The following PAN2 variants were observed in gnomAD, a reference collection of about 807,000 sequenced individuals.
PAN2 encodes the protein poly(A) specific ribonuclease subunit PAN2, also known as PAN2-PAN3 deadenylation complex catalytic subunit PAN2.
PAN2 carries 68 observed loss-of-function variants against 133.3 expected under a neutral mutation model. The ratio of observed to expected loss-of-function variants is 0.51; its 90% confidence interval spans 0.42 to 0.62. The LOEUF (loss-of-function observed/expected upper bound fraction) is 0.62, where lower values mean the gene tolerates loss of function less well. Ranked by LOEUF, PAN2 falls within the 20% of genes least tolerant of loss-of-function variation. The pLI is 0.00. For synonymous variants in PAN2, 462 were observed against 544.6 expected (o/e 0.85, Z 2.11); for missense variants, 1,042 against 1,500.5 (o/e 0.69, Z 5.05).
Position 56,319,298 on chromosome 12 carries a change from C to G in PAN2, c.3270+10G>C. Reference sequence around the variant, plus strand: ...CTCACAAGAAGACTCTTAAAAGAGCCCTGCCAAACCATCAGGTTGATGACC... The same window carrying G: ...CTCACAAGAAGACTCTTAAAAGAGCGCTGCCAAACCATCAGGTTGATGACC... On this transcript the variant is annotated intron_variant, in intron 23 of 25. Transcript: ENST00000440411. The surrounding 1 kb of genome is among the most constrained non-coding windows in gnomAD (Gnocchi z 5.4). 6.2e-7 allele frequency: 1 copy of G among 1,612,098 alleles called. No individual in the cohort carries two copies. The highest frequency in any genetic ancestry group is 8.5e-7 in the Non-Finnish European group (1 of 1,179,084).
intron 10 of PAN2, 61 bp downstream of exon 10, chr12:56,324,948 A>G: frequency 6.3e-7 from 1 of 1,590,836 alleles, no homozygotes; most frequent in Non-Finnish European, 8.6e-7. Context: ...CAGGGTCGAG[A>G]GCCATAGGGA....
At chr12:56,331,298 A>G (rs1875812868) in intron 2 of PAN2, among the ~76,000 whole-genome samples, 1 of 152,176 alleles carries the variant, frequency 6.6e-6, no homozygotes, top group Non-Finnish European at 1.5e-5. Flanking sequence ...TTTTGTACTC[A>G]GCAAGCTTTG....
Position 56,328,479 on chromosome 12 carries a change from C to A in PAN2, c.445G>T (p.Asp149Tyr). Residue 149 changes from aspartate to tyrosine, a missense_variant, in exon 3 of 26, where the codon GAT becomes TAT. This residue lies in a region of PAN2 where 908 missense variants were observed against 1,223.5 expected (regional missense o/e 0.74). Coordinates refer to ENST00000440411, the MANE Select transcript of PAN2 (RefSeq NM_014871.6). ...AGCTGAGAAGCCACTTACAGGTAATCAAATATAATGAGGCCCCCACGGGCC... is the reference window on the plus strand; with the variant it reads ...AGCTGAGAAGCCACTTACAGGTAATAAAATATAATGAGGCCCCCACGGGCC... ...YMARGGLIIF[D>Y]YLLDENEDMH... 6.2e-7 allele frequency: 1 copy of A among 1,614,018 alleles called. No homozygotes were observed. The highest frequency in any genetic ancestry group is 1.1e-5 in the South Asian group (1 of 91,026).
In PAN2 at chr12:56,319,033, A is replaced by T; in HGVS notation, c.3364+55T>A. On this transcript the variant is annotated intron_variant, in intron 24 of 25. Coordinates refer to ENST00000440411, the MANE Select transcript of PAN2 (RefSeq NM_014871.6). The surrounding 1 kb of genome is among the most constrained non-coding windows in gnomAD (Gnocchi z 5.4). ...CAAAGAACATGATTTCTTTTTTTTT[A>T]AATGGCTGCTTCTGCTATTAATGTA... 5.3e-6 allele frequency: 8 copies of T among 1,515,980 alleles called. No individual in the cohort carries two copies. Among genetic ancestry groups the T allele is most frequent in the Admixed American group, 1.7e-5 (1 of 58,636 alleles). The allele number at this position is 1,515,980 out of a possible 1,614,324, so 93.9% of individuals were successfully genotyped here.
chr12:56,323,719 A>T, intron 14 of PAN2, 88 bp downstream of exon 14: 2 of 1,397,600 alleles, frequency 1.4e-6, no homozygotes, highest in Non-Finnish European at 1.0e-6. Context: ...CCTGGATGGC[A>T]GTGCTGACAG....
intron 2 of PAN2, 130 bp from the exon 3 acceptor site, chr12:56,328,771 G>A (rs1875406473): frequency 1.6e-6 from 1 of 641,352 alleles, no homozygotes. Context: ...GGAGCAACTG[G>A]GGCAAAAGGC....
Position 56,317,624 on chromosome 12 carries a change from T to TGAG in PAN2, c.3579_3581dup (p.Ser1194dup). 2 of 1,613,836 alleles carry TGAG rather than the reference T, an allele frequency of 1.2e-6. No individual in the cohort carries two copies. Among genetic ancestry groups the TGAG allele is most frequent in the Non-Finnish European group, 1.7e-6 (2 of 1,179,816 alleles). On this transcript the variant is annotated inframe_insertion, in exon 26 of 26. Transcript: ENST00000440411. ...GGAAGGGTAGTCAGAGCGCCAGCAC[T>TGAG]GAGGAGAAGACAGCTGCATCTGTCA...
chr12:56,330,610 C>T (rs1183537458), intron 2 of PAN2, among the ~76,000 whole-genome samples: 1 of 151,796 alleles, frequency 6.6e-6, no homozygotes, highest in Non-Finnish European at 1.5e-5. Context: ...CCGCCCGCCT[C>T]GGCCTCCCAA....
chr12:56,325,184 T>G, intron 9 of PAN2, 56 bp from the exon 10 acceptor site: 1 of 1,596,868 alleles, frequency 6.3e-7, no homozygotes, highest in East Asian at 2.2e-5. Flanking sequence ...CCCAAATCTT[T>G]CCAGTAGCCA....
At chr12:56,327,238 C>A (rs1875224413) in intron 6 of PAN2, 126 bp downstream of exon 6, 1 of 1,064,412 alleles carries the variant, frequency 9.4e-7, no homozygotes, top group Non-Finnish European at 1.4e-6. Flanking sequence ...CCAAGTAAAA[C>A]CTTGGGACCC....
intron 2 of PAN2, chr12:56,332,600 G>GAAAAAAA: frequency 6.2e-6 from 2 of 322,760 alleles, no homozygotes; most frequent in Non-Finnish European, 5.4e-6. Flanking sequence ...ACCCTGTCTC[G>GAAAAAAA]AAAAAAAAAA....
intron 5 of PAN2, 70 bp downstream of exon 5, chr12:56,327,925 A>G: frequency 6.2e-7 from 1 of 1,605,244 alleles, no homozygotes. Context: ...GAGTTAAGGG[A>G]AAGCAGATCG....
chr12:56,317,313 A>G lies in PAN2; in HGVS notation c.*296T>C, dbSNP rs1042700096. 41 of 411,420 alleles carry G rather than the reference A, an allele frequency of 1.0e-4. No individual in the cohort carries two copies. Among genetic ancestry groups the G allele is most frequent in the Non-Finnish European group, 1.7e-4 (39 of 226,158 alleles). 25.5% of individuals were successfully genotyped at this position (411,420 alleles called of 1,614,324 possible). On this transcript the variant is annotated 3_prime_UTR_variant, in exon 26 of 26. Coordinates refer to ENST00000440411, the MANE Select transcript of PAN2 (RefSeq NM_014871.6). ...TGGTTCCAGGAGCTTCTCTGCCTGG[A>G]TATTAGTCACCCAGGATATTAAGAA...
chr12:56,320,148 A>T (rs1336259492), intron 20 of PAN2, 127 bp from the exon 21 acceptor site: 1 of 811,032 alleles, frequency 1.2e-6, no homozygotes, highest in Admixed American at 2.4e-5. Flanking sequence ...GCACGTGAGA[A>T]AAAAGATCAT....
chr12:56,321,999 T>C, intron 20 of PAN2, 79 bp downstream of exon 20: 1 of 720,612 alleles, frequency 1.4e-6, no homozygotes, highest in South Asian at 1.7e-5. Flanking sequence ...TCCTAAGTAC[T>C]TGCAAGCAAT....
At chr12:56,333,600 G>A (rs1370453206) in intron 1 of PAN2, 1 of 157,508 alleles carries the variant, frequency 6.3e-6, no homozygotes, top group East Asian at 1.8e-4. Context: ...GGGTGGATTG[G>A]ACGGTGGGGA....
chr12:56,332,806 T>C lies in PAN2; in HGVS notation c.282+7A>G. ...TTTCAACCCTCACAAAGGGGTACAG[T>C]TCTTACCCCGTGGCTCCCCACCCAC... On this transcript the variant is annotated splice_region_variant and intron_variant, in intron 2 of 25. Transcript: ENST00000440411. The C allele has an allele frequency of 2.5e-6, 4 of 1,613,460 alleles. No homozygotes were observed. The highest frequency in any genetic ancestry group is 3.4e-6 in the Non-Finnish European group (4 of 1,179,506).
At position 56,333,135 on chromosome 12, in the gene PAN2, AC is replaced by A; in HGVS notation, c.-42del. The A allele has an allele frequency of 6.2e-7, 1 of 1,600,296 alleles. No homozygotes were observed. Among genetic ancestry groups the A allele is most frequent in the African/African-American group, 1.3e-5 (1 of 74,786 alleles). On this transcript the variant is annotated 5_prime_UTR_variant, in exon 2 of 26. Coordinates refer to ENST00000440411, the MANE Select transcript of PAN2 (RefSeq NM_014871.6). ...TTACACCTGTGTCACACCCTCCCTT[AC>A]CACAGTCCCTTTAGATGCCTGACCC...
chr12:56,320,094 G>C, intron 20 of PAN2, 73 bp from the exon 21 acceptor site: 1 of 1,412,252 alleles, frequency 7.1e-7, no homozygotes, highest in Non-Finnish European at 9.9e-7. Context: ...CAGTGTGGCT[G>C]ATCATCGACT....
Sources: allele counts gnomAD v4.1 joint callset (sites outside exome capture counted in the v4.1 genomes callset), GRCh38; gene constraint gnomAD v4.1.1; regional missense constraint gnomAD v4.1.1; non-coding constraint Gnocchi (gnomAD v3.1); transcripts MANE v1.5; gene names NCBI Gene and HGNC (gene_info 2026-07-23, HGNC 2026-07-21).